DLG2: variants seen among roughly 807,000 people sequenced by gnomAD.
The protein encoded by DLG2 is disks large homolog 2.
Under a neutral mutation model 132.5 loss-of-function variants are expected in DLG2, and 45 were observed. That is an observed-to-expected ratio of 0.34 (90% confidence interval 0.27 to 0.44). The LOEUF is 0.44. Ranked by LOEUF, DLG2 falls within the 20% of genes least tolerant of loss-of-function variation. The pLI is 1.00. For missense variants in DLG2, 1,045 were observed against 1,196.9 expected, an observed-to-expected ratio of 0.87 and a Z score of 1.87; for synonymous variants, 424 against 419.6, an observed-to-expected ratio of 1.01 and a Z score of -0.13.
At chr11:85,145,831 C>G (rs1453869637) in intron 5 of DLG2, among the ~76,000 whole-genome samples, 1 of 151,986 alleles carries the variant, frequency 6.6e-6, no homozygotes, top group Non-Finnish European at 1.5e-5. Context: ...GAATTTGTCA[C>G]TGGTGACTTA....
At chr11:83,797,501 C>CTT (rs111672101) in intron 17 of DLG2, among the ~76,000 whole-genome samples, 1 of 145,458 alleles carries the variant, frequency 6.9e-6, no homozygotes, top group Non-Finnish European at 1.5e-5. Flanking sequence ...TGTCTGCATT[C>CTT]TTTTTTTTTT....
At chr11:83,881,998 A>C (rs977375990) in intron 15 of DLG2, among the ~76,000 whole-genome samples, 3 of 152,130 alleles carry the variant, frequency 2.0e-5, no homozygotes, top group African/African-American at 7.2e-5. Context: ...AAAATAAAGA[A>C]TTTTTCACTT....
At chr11:84,116,915 T>G (rs1237068412) in intron 9 of DLG2, among the ~76,000 whole-genome samples, 2 of 152,216 alleles carry the variant, frequency 1.3e-5, no homozygotes, top group Admixed American at 6.5e-5. Context: ...ACTTTGTTAT[T>G]ATGTTGCACT....
rs189449576 is a variant in DLG2 at position 85,554,510 on chromosome 11, C to T, written c.40+44147G>A. Among the ~76,000 whole-genome samples the T allele has an allele frequency of 2.6e-5, 4 of 151,992 alleles. 1 individual carries two copies. In the East Asian group the frequency reaches 7.7e-4, roughly 29 times the overall value. On this transcript the variant is annotated intron_variant, in intron 3 of 27. Coordinates refer to ENST00000376104, the MANE Select transcript of DLG2 (RefSeq NM_001142699.3). ...TCTAACATCACAAGCTGGCTGTCCT[C>T]ACTCATTCCTAAATACAGGCCAAGC...
At chr11:84,227,312 A>C (rs1337963869) in intron 8 of DLG2, among the ~76,000 whole-genome samples, 1 of 151,964 alleles carries the variant, frequency 6.6e-6, no homozygotes, top group Non-Finnish European at 1.5e-5. Flanking sequence ...AGATCAGAGA[A>C]TTGCAAAAGG....
chr11:84,255,712 A>G (rs778893013), intron 7 of DLG2, among the ~76,000 whole-genome samples: 3 of 152,126 alleles, frequency 2.0e-5, no homozygotes, highest in Non-Finnish European at 4.4e-5. Flanking sequence ...TCCTTCTTTA[A>G]TATGCTTTTT....
chr11:85,611,987 A>G lies in DLG2; in HGVS notation c.-92-13199T>C, dbSNP rs554843203. On this transcript the variant is annotated intron_variant, in intron 2 of 27. Coordinates refer to ENST00000376104, the MANE Select transcript of DLG2 (RefSeq NM_001142699.3). Reference sequence around the variant, plus strand: ...GAAAAAGAGAGATAGGAAGTCAAAGAGAGAGACAGAGAGGAAGAGACTGAA... The same window carrying G: ...GAAAAAGAGAGATAGGAAGTCAAAGGGAGAGACAGAGAGGAAGAGACTGAA... Among the ~76,000 whole-genome samples, 10 of 152,290 alleles carry G rather than the reference A, an allele frequency of 6.6e-5. No individual in the cohort carries two copies. The East Asian group carries it at 1.7e-3, about 26-fold the overall frequency.
At chr11:84,487,550 T>C (rs910785928) in intron 7 of DLG2, among the ~76,000 whole-genome samples, 3 of 152,146 alleles carry the variant, frequency 2.0e-5, no homozygotes, top group African/African-American at 4.8e-5. Context: ...ATAACTTAGG[T>C]ATTTTATGAA....
intron 3 of DLG2, among the ~76,000 whole-genome samples, chr11:85,419,080 C>T (rs2090092961): frequency 6.6e-6 from 1 of 152,116 alleles, no homozygotes; most frequent in Non-Finnish European, 1.5e-5. Flanking sequence ...TTGACATATT[C>T]AGTGCTTCCT....
intron 6 of DLG2, among the ~76,000 whole-genome samples, chr11:84,604,204 A>G (rs2099581502): frequency 6.6e-6 from 1 of 152,026 alleles, no homozygotes; most frequent in African/African-American, 2.4e-5. Flanking sequence ...AACACTGCTT[A>G]AGATATTCTG....
chr11:84,015,873 T>C (rs186316550), intron 11 of DLG2, among the ~76,000 whole-genome samples: 1 of 152,310 alleles, frequency 6.6e-6, no homozygotes, highest in Admixed American at 6.5e-5. Context: ...TATAATAGAA[T>C]GATTTATATT....
At chr11:84,878,856 T>G (rs1381292697) in intron 6 of DLG2, among the ~76,000 whole-genome samples, 1 of 152,162 alleles carries the variant, frequency 6.6e-6, no homozygotes, top group African/African-American at 2.4e-5. Flanking sequence ...GACTTACTAT[T>G]TTTTGAAAGA....
At chr11:83,970,865 C>T (rs906063129) in intron 12 of DLG2, among the ~76,000 whole-genome samples, 1 of 152,130 alleles carries the variant, frequency 6.6e-6, no homozygotes, top group East Asian at 1.9e-4. Flanking sequence ...AATTAGGGTG[C>T]TGCTGATGAA....
At chr11:83,765,620 C>T (rs1395793510) in intron 18 of DLG2, among the ~76,000 whole-genome samples, 2 of 152,180 alleles carry the variant, frequency 1.3e-5, no homozygotes, top group Non-Finnish European at 2.9e-5. Context: ...ATATTTAATG[C>T]AGCATTAGAA....
At chr11:85,431,963 G>A (rs181281508) in intron 3 of DLG2, among the ~76,000 whole-genome samples, 23 of 152,316 alleles carry the variant, frequency 1.5e-4, no homozygotes, top group African/African-American at 4.8e-4. Context: ...GGAAGGAGCA[G>A]GCATCCATCT....
intron 8 of DLG2, among the ~76,000 whole-genome samples, chr11:84,201,033 T>C (rs529677537): frequency 3.3e-5 from 5 of 152,218 alleles, no homozygotes; most frequent in African/African-American, 9.6e-5. Flanking sequence ...CTGTTTTCAA[T>C]AGGAATGCTT....
chr11:83,728,974 T>C (rs1303961939), intron 18 of DLG2, among the ~76,000 whole-genome samples: 3 of 152,222 alleles, frequency 2.0e-5, no homozygotes, highest in African/African-American at 4.8e-5. Flanking sequence ...TAAAATTCTT[T>C]CCTTCTACAA....
At chr11:84,250,083 C>T (rs2097352144) in intron 8 of DLG2, among the ~76,000 whole-genome samples, 1 of 152,198 alleles carries the variant, frequency 6.6e-6, no homozygotes. Context: ...TCTCAAAAGG[C>T]AGCCTATGGA....
At chr11:85,516,150 T>A (rs2094164491) in intron 3 of DLG2, among the ~76,000 whole-genome samples, 1 of 151,988 alleles carries the variant, frequency 6.6e-6, no homozygotes, top group Non-Finnish European at 1.5e-5. Context: ...TAAGAAGAAC[T>A]CTCAAAAATA....
Sources: gnomAD v4.1 joint callset for allele counts (sites outside exome capture counted in the v4.1 genomes callset) on GRCh38, gnomAD v4.1.1 for gene constraint, MANE v1.5 for transcripts, NCBI Gene and HGNC (gene_info 2026-07-23, HGNC 2026-07-21) for gene names.